The following CD48 variants were observed in gnomAD, a reference collection of about 807,000 sequenced individuals.
The protein encoded by CD48 is CD48 molecule.
A neutral mutation model predicts 22.0 loss-of-function variants in CD48; 20 were observed. The observed-to-expected ratio is 0.91, with a 90% CI of 0.64 to 1.32. The LOEUF (loss-of-function observed/expected upper bound fraction) is 1.32. Among genes scored for constraint, CD48 ranks in the 40% most tolerant of loss-of-function variants. The pLI, the probability that CD48 is intolerant of heterozygous loss-of-function variation, is 0.00. For synonymous variants in CD48, 110 were observed against 110.1 expected, an observed-to-expected ratio of 1.00 and a Z score of 0.01; for missense variants, 307 against 286.5, an observed-to-expected ratio of 1.07 and a Z score of -0.52.
At position 160,681,278 on chromosome 1, in the gene CD48, C is replaced by A. The variant is rs1248127985; in HGVS notation, c.576G>T (p.Arg192Ser). ...AATTGCTGACTTGGCAAGTATAACA[C>A]CTGGAGTAATTATGTGGCATAAGGG... is the stretch of plus-strand genomic sequence containing the variant. ...ETTLMPHNYS[R>S]CYTCQVSNSV... Residue 192 changes from arginine (R) to serine (S), a missense_variant, in exon 3 of 4, where the codon AGG (arginine) becomes AGT (serine). By Grantham distance (110) the Arg-to-Ser change is moderately radical (BLOSUM62 -1). Transcript: ENST00000368046. 1 of 1,614,174 alleles carries A rather than the reference C, an allele frequency of 6.2e-7. No individual in the cohort carries two copies. Among genetic ancestry groups the A allele is most frequent in the Non-Finnish European group, 8.5e-7 (1 of 1,180,030 alleles).
At chr1:160,684,830 A>G (rs978934118) in intron 2 of CD48, 57 bp downstream of exon 2, 5 of 1,613,726 alleles carry the variant, frequency 3.1e-6, no homozygotes, top group African/African-American at 2.7e-5. Context: ...GAAGCCCTAC[A>G]GTGGTCCATC....
chr1:160,702,275 A>T (rs182706212), intron 1 of CD48, among the ~76,000 whole-genome samples: 6 of 152,246 alleles, frequency 3.9e-5, no homozygotes, highest in African/African-American at 1.4e-4. Flanking sequence ...TACTAAAGAG[A>T]TCAACCACCC....
intron 3 of CD48, among the ~76,000 whole-genome samples, chr1:160,680,217 G>A (rs933633241): frequency 2.6e-5 from 4 of 152,182 alleles, no homozygotes; most frequent in Non-Finnish European, 2.9e-5. Context: ...GAATGTGTAC[G>A]CTAGGGCTCA....
At chr1:160,693,789 G>A (rs1471411229) in intron 1 of CD48, among the ~76,000 whole-genome samples, 2 of 152,254 alleles carry the variant, frequency 1.3e-5, no homozygotes, top group Non-Finnish European at 2.9e-5. Context: ...CTAGCAAAGG[G>A]GCCAGCCTCA....
chr1:160,687,748 C>T (rs1662054587), intron 1 of CD48, among the ~76,000 whole-genome samples: 1 of 152,140 alleles, frequency 6.6e-6, no homozygotes, highest in Non-Finnish European at 1.5e-5. Context: ...AACACAGAAA[C>T]ATATTCCAAA....
chr1:160,699,550 G>C (rs1358058947), intron 1 of CD48: 3 of 152,274 alleles, frequency 2.0e-5, no homozygotes, highest in Non-Finnish European at 4.4e-5. Context: ...TCTGTCTCCT[G>C]CCCATCCCTG....
intron 2 of CD48, among the ~76,000 whole-genome samples, chr1:160,682,765 G>A (rs939641131): frequency 6.6e-6 from 1 of 152,166 alleles, no homozygotes. Context: ...CATTCTAGAG[G>A]CCATTTTACC....
In CD48 at chr1:160,685,033, T is replaced by C. The variant is rs1227734078; in HGVS notation, c.239A>G (p.Lys80Arg). The change falls in exon 2 of 4, where the codon AAA (lysine) becomes AGA (arginine). Residue 80 changes from lysine to arginine, a missense_variant. Lys to Arg is a conservative substitution (Grantham distance 26). Transcript: ENST00000368046. ...ATCAAGTCTGACCCTGCCTTTAAATTTGGATTCAAAGTACTTAGATTTTCT... is the reference window on the plus strand; with the variant it reads ...ATCAAGTCTGACCCTGCCTTTAAATCTGGATTCAAAGTACTTAGATTTTCT... The part of the protein sequence containing the change: ...DSRKSKYFES[K>R]FKGRVRLDPQ... 2 of 1,614,234 alleles carry C rather than the reference T, an allele frequency of 1.2e-6. No homozygotes were observed. Among genetic ancestry groups the C allele is most frequent in the Non-Finnish European group, 1.7e-6 (2 of 1,180,044 alleles).
intron 3 of CD48, among the ~76,000 whole-genome samples, chr1:160,679,754 CA>C (rs1326724625): frequency 2.0e-5 from 3 of 151,636 alleles, no homozygotes; most frequent in Admixed American, 2.0e-4. Context: ...TTTACCCTTC[CA>C]AAAAAAATGG....
At chr1:160,705,712 G>A (rs140444120) in intron 1 of CD48, among the ~76,000 whole-genome samples, 2 of 152,128 alleles carry the variant, frequency 1.3e-5, no homozygotes, top group East Asian at 3.9e-4. Context: ...TGAATTAATA[G>A]AAGCGGTCAT....
At chr1:160,708,820 T>C (rs1662867106) in intron 1 of CD48, among the ~76,000 whole-genome samples, 1 of 152,086 alleles carries the variant, frequency 6.6e-6, no homozygotes, top group Non-Finnish European at 1.5e-5. Context: ...GTAGGCTCGG[T>C]GATGGCTTCA....
chr1:160,680,984 T>C (rs1038359251), intron 3 of CD48: 10 of 1,411,730 alleles, frequency 7.1e-6, no homozygotes, highest in Non-Finnish European at 9.1e-6. Context: ...AAACGTCCTT[T>C]GCAGGTGAGA....
At chr1:160,691,113 AG>A (rs1230126949) in intron 1 of CD48, among the ~76,000 whole-genome samples, 1 of 152,170 alleles carries the variant, frequency 6.6e-6, no homozygotes, top group Non-Finnish European at 1.5e-5. Context: ...TAGGAAAGCC[AG>A]GTATTGTCCA....
intron 1 of CD48, among the ~76,000 whole-genome samples, chr1:160,705,193 A>G (rs1326454047): frequency 2.0e-5 from 3 of 152,190 alleles, no homozygotes; most frequent in African/African-American, 7.2e-5. Context: ...CCTTCCAACC[A>G]TTCATCCATC....
chr1:160,686,235 A>G (rs935606785), intron 1 of CD48, among the ~76,000 whole-genome samples: 3 of 152,012 alleles, frequency 2.0e-5, no homozygotes, highest in South Asian at 2.1e-4. Flanking sequence ...TCCAGTGTCT[A>G]TGGCTAGCCT....
At chr1:160,704,496 G>T (rs1662734686) in intron 1 of CD48, among the ~76,000 whole-genome samples, 1 of 152,210 alleles carries the variant, frequency 6.6e-6, no homozygotes, top group Non-Finnish European at 1.5e-5. Flanking sequence ...GCTGCCCTCT[G>T]CACTGACTCA....
At chr1:160,698,432 G>T (rs1662509939) in intron 1 of CD48, among the ~76,000 whole-genome samples, 1 of 152,166 alleles carries the variant, frequency 6.6e-6, no homozygotes, top group African/African-American at 2.4e-5. Flanking sequence ...ATTAATTGCA[G>T]TCACAGCTAC....
intron 3 of CD48, 129 bp downstream of exon 3, chr1:160,681,073 C>T: frequency 6.5e-7 from 1 of 1,533,602 alleles, no homozygotes; most frequent in Non-Finnish European, 8.8e-7. Context: ...CGTCTCCCAG[C>T]TCTCCCAGAC....
rs189054072 is a variant in CD48, at chr1:160,685,926, G to A, written c.83-737C>T. Among the ~76,000 whole-genome samples, 62 of 152,266 alleles carry A rather than the reference G, an allele frequency of 4.1e-4. No individual in the cohort carries two copies. In the Middle Eastern group the frequency reaches 0.01, roughly 25 times the overall value. The stretch of plus-strand genomic sequence containing the variant: ...TGGAGAAATATGATTGGACAAAAAG[G>A]GTATGATTGAATGCCAATAGACTGA... On this transcript the variant is annotated intron_variant, in intron 1 of 3. Transcript: ENST00000368046.
Sources: allele counts gnomAD v4.1 joint callset (sites outside exome capture counted in the v4.1 genomes callset), GRCh38; gene constraint gnomAD v4.1.1; transcripts MANE v1.5; gene names NCBI Gene and HGNC (gene_info 2026-07-23, HGNC 2026-07-21).